DOCK1: variants seen among roughly 807,000 people sequenced by gnomAD.
The protein encoded by DOCK1 is dedicator of cytokinesis protein 1.
Under a neutral mutation model 262.7 loss-of-function variants are expected in DOCK1, and 138 were observed. The observed-to-expected ratio is 0.53, with a 90% CI of 0.46 to 0.61. The LOEUF is 0.61. Among genes scored for constraint, DOCK1 ranks in the 20% least tolerant of loss-of-function variants. The pLI, the probability that DOCK1 is intolerant of heterozygous loss-of-function variation, is 0.00. For synonymous variants in DOCK1, 866 were observed against 867.4 expected (o/e 1.00, Z 0.03); for missense variants, 1,908 against 2,370.7 (o/e 0.80, Z 4.05).
At chr10:127,146,201 G>A (rs2051835294) in intron 27 of DOCK1, 10 of 303,288 alleles carry the variant, frequency 3.3e-5, no homozygotes, top group South Asian at 2.5e-4. Context: ...CTTTGACCTT[G>A]GGGTATAACC....
chr10:126,911,219 T>G (rs1835108178), intron 1 of DOCK1, among the ~76,000 whole-genome samples: 1 of 152,210 alleles, frequency 6.6e-6, no homozygotes, highest in Non-Finnish European at 1.5e-5. Context: ...GTCACCGTCC[T>G]TATTGCTTGT....
intron 22 of DOCK1, among the ~76,000 whole-genome samples, chr10:127,055,788 C>T (rs1385333937): frequency 6.6e-6 from 1 of 152,186 alleles, no homozygotes; most frequent in Non-Finnish European, 1.5e-5. Flanking sequence ...CCTAAGTGAT[C>T]CACTGGCATG....
At chr10:127,181,950 T>G (rs1295245698) in intron 27 of DOCK1, among the ~76,000 whole-genome samples, 2 of 152,188 alleles carry the variant, frequency 1.3e-5, no homozygotes, top group Non-Finnish European at 2.9e-5. Flanking sequence ...CTTTATATAG[T>G]GAAATGTTAT....
chr10:127,270,076 C>T (rs1001419484), intron 29 of DOCK1, among the ~76,000 whole-genome samples: 3 of 152,132 alleles, frequency 2.0e-5, no homozygotes, highest in South Asian at 2.1e-4. Flanking sequence ...ACTGGAGTTC[C>T]GGAAGCCAGC....
At chr10:127,213,719 G>A (rs1227566756) in intron 27 of DOCK1, among the ~76,000 whole-genome samples, 3 of 152,194 alleles carry the variant, frequency 2.0e-5, no homozygotes, top group South Asian at 2.1e-4. Flanking sequence ...CGTGGCCAGC[G>A]TTCCAGGAAA....
At chr10:126,938,324 A>G (rs2034696760) in intron 1 of DOCK1, among the ~76,000 whole-genome samples, 1 of 152,230 alleles carries the variant, frequency 6.6e-6, no homozygotes, top group African/African-American at 2.4e-5. Flanking sequence ...CTGGGATTAC[A>G]GGCAAGAGCC....
At chr10:127,091,211 CT>C (rs1230871999) in intron 23 of DOCK1, among the ~76,000 whole-genome samples, 35 of 152,158 alleles carry the variant, frequency 2.3e-4, no homozygotes, top group Non-Finnish European at 8.8e-5. Flanking sequence ...TCTCGATCTC[CT>C]GACCTCGCGA....
chr10:127,106,960 T>A (rs184776820), intron 24 of DOCK1, among the ~76,000 whole-genome samples: 9 of 152,176 alleles, frequency 5.9e-5, no homozygotes, highest in Middle Eastern at 3.4e-3. Flanking sequence ...ACAGCCTTTT[T>A]AATTTATTTT....
intron 18 of DOCK1, among the ~76,000 whole-genome samples, chr10:127,036,043 T>TAAATAAATA (rs1554870785): frequency 6.8e-6 from 1 of 147,562 alleles, no homozygotes; most frequent in African/African-American, 2.5e-5. Flanking sequence ...AATAAATAAA[T>TAAATAAATA]AAAAAAGAGT....
chr10:127,214,985 TGC>T (rs1469673715), intron 27 of DOCK1, among the ~76,000 whole-genome samples: 4 of 152,208 alleles, frequency 2.6e-5, no homozygotes, highest in African/African-American at 9.7e-5. Context: ...CCGCCTCACG[TGC>T]AGGATGGTTG....
rs61870268 is a variant in DOCK1 at position 127,295,240 on chromosome 10, C to A, written c.3044+37811C>A. ...TCAGAGGCCTTAGGAAACTTTTACT[C>A]CTGGCAGAAGGCAGAAGGAGAGCAG... On this transcript the variant is annotated intron_variant, in intron 29 of 51. Transcript: ENST00000623213. 3.2e-3 allele frequency among the ~76,000 whole-genome samples: 489 copies of A among 152,228 alleles called. 1 individual carries two copies. Among genetic ancestry groups the A allele is most frequent in the Middle Eastern group, 0.01 (3 of 294 alleles).
intron 21 of DOCK1, among the ~76,000 whole-genome samples, chr10:127,043,389 C>T (rs897342334): frequency 1.3e-5 from 2 of 152,174 alleles, no homozygotes; most frequent in African/African-American, 4.8e-5. Flanking sequence ...AATTCTTGTT[C>T]TCCCTCACAC....
intron 1 of DOCK1, among the ~76,000 whole-genome samples, chr10:126,943,112 G>C (rs2035144959): frequency 6.8e-6 from 1 of 147,482 alleles, no homozygotes; most frequent in African/African-American, 2.5e-5. Flanking sequence ...AAAAAAGCCA[G>C]ATATGTTGGT....
chr10:126,952,200 A>G (rs1410832019), intron 1 of DOCK1, among the ~76,000 whole-genome samples: 1 of 152,008 alleles, frequency 6.6e-6, no homozygotes, highest in Admixed American at 6.6e-5. Flanking sequence ...TGGTGGTAGT[A>G]TTGTTGGTGA....
chr10:127,184,763 T>C (rs2056071420), intron 27 of DOCK1, among the ~76,000 whole-genome samples: 1 of 152,148 alleles, frequency 6.6e-6, no homozygotes, highest in Non-Finnish European at 1.5e-5. Flanking sequence ...ACTGGTTCAT[T>C]TTCCAGGACC....
At chr10:127,015,267 A>G (rs1468342894) in intron 12 of DOCK1, 3 of 151,348 alleles carry the variant, frequency 2.0e-5, no homozygotes, top group African/African-American at 7.3e-5. Context: ...GTCTCTGTCT[A>G]TGTGGCCTCT....
chr10:127,175,618 C>G lies in DOCK1; in HGVS notation c.2847+47854C>G. Reference sequence around the variant, plus strand: ...GGCTCGGGGGCCCTGGCACTGAGGGCAGGTGCGTAAACGGTGGCAACCTCC... The same window carrying G: ...GGCTCGGGGGCCCTGGCACTGAGGGGAGGTGCGTAAACGGTGGCAACCTCC... On this transcript the variant is annotated intron_variant, in intron 27 of 51. Transcript: ENST00000623213. The surrounding 1 kb of genome is among the most constrained non-coding windows in gnomAD (Gnocchi z 6.3). 1.2e-6 allele frequency: 2 copies of G among 1,613,006 alleles called. No homozygotes were observed.
intron 29 of DOCK1, among the ~76,000 whole-genome samples, chr10:127,311,573 TC>T (rs1330778035): frequency 6.6e-6 from 1 of 152,130 alleles, no homozygotes; most frequent in Non-Finnish European, 1.5e-5. Context: ...CATTCCAAAA[TC>T]CCCGCAAAAG....
intron 1 of DOCK1, among the ~76,000 whole-genome samples, chr10:126,968,722 A>C (rs1218646804): frequency 6.6e-6 from 1 of 152,134 alleles, no homozygotes; most frequent in East Asian, 1.9e-4. Context: ...ACTGTGATAG[A>C]TGTATTTATG....
Sources: allele counts gnomAD v4.1 joint callset (sites outside exome capture counted in the v4.1 genomes callset), GRCh38; gene constraint gnomAD v4.1.1; non-coding constraint Gnocchi (gnomAD v3.1); transcripts MANE v1.5; gene names NCBI Gene and HGNC (gene_info 2026-07-23, HGNC 2026-07-21).